Variants in MTAP observed in about 807,000 individuals in gnomAD.
MTAP encodes methylthioadenosine phosphorylase, also known as S-methyl-5'-thioadenosine phosphorylase.
A neutral mutation model predicts 33.6 loss-of-function variants in MTAP; 33 were observed. The observed-to-expected ratio is 0.98, with a 90% CI of 0.74 to 1.31. The LOEUF is 1.31. MTAP is among the 40% of genes most tolerant of loss of function. MTAP has a pLI of 0.00. For synonymous variants in MTAP, 148 were observed against 125.7 expected, an observed-to-expected ratio of 1.18 and a Z score of -1.19; for missense variants, 367 against 360.0, an observed-to-expected ratio of 1.02 and a Z score of -0.16.
intron 5 of MTAP, among the ~76,000 whole-genome samples, chr9:21,852,607 A>T (rs1825543202): frequency 1.3e-5 from 2 of 151,816 alleles, no homozygotes; most frequent in Non-Finnish European, 2.9e-5. Flanking sequence ...GGTATAGTGT[A>T]CATTTCTTGG....
chr9:21,834,101 A>G (rs1409678744), intron 4 of MTAP, among the ~76,000 whole-genome samples: 1 of 152,102 alleles, frequency 6.6e-6, no homozygotes, highest in Non-Finnish European at 1.5e-5. Flanking sequence ...TCAATATGTC[A>G]TACTTTGGGA....
chr9:21,819,649 T>C (rs1824579624), intron 4 of MTAP, among the ~76,000 whole-genome samples: 1 of 152,244 alleles, frequency 6.6e-6, no homozygotes, highest in African/African-American at 2.4e-5. Flanking sequence ...CCTTTGGGTA[T>C]ATACCCAGTA....
rs781680640 is a variant in MTAP, at chr9:21,866,904, GT to G, written c.*4891del. 4.6e-5 allele frequency: 7 copies of G among 152,108 alleles called. No homozygotes were observed. The highest frequency in any genetic ancestry group is 4.1e-4 in the South Asian group (2 of 4,832). 9.4% of individuals were successfully genotyped at this position (152,108 alleles called of 1,614,324 possible). ...ATCTCAGCAATATTTTGTAGTTTTA[GT>G]GAAGAAGTCTTGTATATATCTTTTG... On this transcript the variant is annotated 3_prime_UTR_variant, in exon 8 of 8. Coordinates refer to ENST00000644715, the MANE Select transcript of MTAP (RefSeq NM_002451.4).
At chr9:21,808,457 G>A (rs1389205531) in intron 1 of MTAP, among the ~76,000 whole-genome samples, 3 of 151,526 alleles carry the variant, frequency 2.0e-5, no homozygotes, top group South Asian at 2.1e-4. Flanking sequence ...CAGGCGTGGC[G>A]GTGCACGCTT....
At chr9:21,910,561 T>C (rs1430487129) in intron 1 of MTAP, among the ~76,000 whole-genome samples, 1 of 152,062 alleles carries the variant, frequency 6.6e-6, no homozygotes, top group East Asian at 1.9e-4. Flanking sequence ...AGGGCTAGTG[T>C]ATGGAAGTAA....
chr9:21,882,956 T>G (rs1319298615), intron 1 of MTAP, among the ~76,000 whole-genome samples: 1 of 151,496 alleles, frequency 6.6e-6, no homozygotes, highest in Non-Finnish European at 1.5e-5. Flanking sequence ...TTTATAGTTT[T>G]TAATGCTTAT....
In MTAP at chr9:21,865,600, C is replaced by T. The variant is rs1327409569; in HGVS notation, c.*3586C>T. 3.0e-6 allele frequency: 3 copies of T among 986,106 alleles called. No individual in the cohort carries two copies. The highest frequency in any genetic ancestry group is 3.6e-6 in the Non-Finnish European group (3 of 830,172). The allele number at this position is 986,106 out of a possible 1,614,324, so 61.1% of individuals were successfully genotyped here. A position where few individuals can be genotyped will look rare whatever the true frequency, so the allele number is the denominator to read the frequency against. ...ATAGTATAGAATAATTCAAGATAGG[C>T]AAGAAGGACAGCAGTAAATGAAGAC... is the stretch of plus-strand genomic sequence containing the variant. On this transcript the variant is annotated 3_prime_UTR_variant, in exon 8 of 8. Coordinates refer to ENST00000644715, the MANE Select transcript of MTAP (RefSeq NM_002451.4).
intron 4 of MTAP, among the ~76,000 whole-genome samples, chr9:21,834,171 A>T (rs1221649865): frequency 2.0e-5 from 3 of 152,218 alleles, no homozygotes; most frequent in African/African-American, 4.8e-5. Context: ...AGTGCCAAGC[A>T]CTTGCTTCAT....
chr9:21,802,806 G>A (rs1275279844), intron 1 of MTAP, 25 bp downstream of exon 1: 3 of 1,612,288 alleles, frequency 1.9e-6, no homozygotes, highest in Non-Finnish European at 2.5e-6. Context: ...CCCAGCCGCA[G>A]CGGTTCGCCC....
chr9:21,802,673 A>G lies in MTAP; in HGVS notation c.-76A>G. The G allele has an allele frequency of 6.4e-7, 1 of 1,572,550 alleles. No individual in the cohort carries two copies. Among genetic ancestry groups the G allele is most frequent in the Non-Finnish European group, 8.7e-7 (1 of 1,148,628 alleles). ...CACTCCCGCGCAGTGAGGTTGGCAC[A>G]GCCACCGCTCTGTGGCTCGCTTGGT... On this transcript the variant is annotated 5_prime_UTR_variant, in exon 1 of 8. Coordinates refer to ENST00000644715, the MANE Select transcript of MTAP (RefSeq NM_002451.4).
intron 5 of MTAP, among the ~76,000 whole-genome samples, chr9:21,845,371 A>G (rs1391992289): frequency 6.6e-6 from 1 of 152,230 alleles, no homozygotes; most frequent in Non-Finnish European, 1.5e-5. Context: ...TAGCACTTTT[A>G]TAGACCAACA....
chr9:21,854,631 G>T lies in MTAP; in HGVS notation c.451G>T (p.Val151Phe). 6.4e-7 allele frequency: 1 copy of T among 1,558,430 alleles called. No individual in the cohort carries two copies. The highest frequency in any genetic ancestry group is 8.7e-7 in the Non-Finnish European group (1 of 1,154,740). ...AEPFCPKTREVLIETAKKLGL... is the reference protein window; with the variant it reads ...AEPFCPKTREFLIETAKKLGL... The stretch of plus-strand genomic sequence containing the variant: ...GAAGTTTCTGGTTTTTCTTTTCTAG[G>T]TTCTTATAGAGACTGCTAAGAAGCT... The change falls in exon 6 of 8, where the codon GTT (valine) becomes TTT (phenylalanine). Residue 151 changes from valine (V) to phenylalanine (F), a missense_variant and splice_region_variant. By Grantham distance (50) the Val-to-Phe change is conservative (BLOSUM62 -1). Transcript: ENST00000644715.
chr9:21,930,963 T>C (rs769376069), intron 1 of MTAP: 1 of 729,434 alleles, frequency 1.4e-6, no homozygotes, highest in South Asian at 1.5e-5. Context: ...GTCCATGTCT[T>C]CAAAAATCTA....
intron 1 of MTAP, among the ~76,000 whole-genome samples, chr9:21,914,241 G>A (rs1255301800): frequency 6.6e-6 from 1 of 152,190 alleles, no homozygotes; most frequent in Non-Finnish European, 1.5e-5. Flanking sequence ...CAAGGATCTA[G>A]AACTAGAAAT....
intron 6 of MTAP, among the ~76,000 whole-genome samples, chr9:21,855,269 T>C (rs1825613327): frequency 6.6e-6 from 1 of 152,224 alleles, no homozygotes; most frequent in Non-Finnish European, 1.5e-5. Flanking sequence ...CTATTTAACG[T>C]ACCGTGGCTG....
chr9:21,880,688 CTT>C (rs1817993380), intron 1 of MTAP, among the ~76,000 whole-genome samples: 1 of 151,992 alleles, frequency 6.6e-6, no homozygotes, highest in Non-Finnish European at 1.5e-5. Flanking sequence ...TAGGAATAAA[CTT>C]AACAAAATAA....
intron 1 of MTAP, chr9:21,929,535 A>G: frequency 3.1e-6 from 1 of 325,976 alleles, no homozygotes; most frequent in South Asian, 3.4e-5. Context: ...TATGAGAAAA[A>G]GCTCAGCAAT....
intron 1 of MTAP, among the ~76,000 whole-genome samples, chr9:21,910,928 G>A (rs995124006): frequency 1.3e-5 from 2 of 152,092 alleles, no homozygotes; most frequent in African/African-American, 4.8e-5. Flanking sequence ...GTAAAGGGTT[G>A]GAGGAAGATC....
At chr9:21,931,053 A>T (rs1177052776) in exon 2 of MTAP, 1 of 764,384 alleles carries the variant, frequency 1.3e-6, no homozygotes, top group African/African-American at 1.7e-5. Context: ...CCATCCTTTC[A>T]ATATTCAAGA....
Sources: gnomAD v4.1 joint callset for allele counts (sites outside exome capture counted in the v4.1 genomes callset) on GRCh38, gnomAD v4.1.1 for gene constraint, MANE v1.5 for transcripts, NCBI Gene and HGNC (gene_info 2026-07-23, HGNC 2026-07-21) for gene names.